Variants in NELL2 observed in about 807,000 individuals in gnomAD.
NELL2 encodes protein kinase C-binding protein NELL2.
A neutral mutation model predicts 109.6 loss-of-function variants in NELL2; 41 were observed. The observed-to-expected ratio is 0.37, with a 90% CI of 0.29 to 0.49. The LOEUF (loss-of-function observed/expected upper bound fraction) is 0.49, where lower values mean the gene tolerates loss of function less well. NELL2 is among the 20% of genes least tolerant of loss of function. NELL2 has a pLI of 0.98. For synonymous variants in NELL2, 355 were observed against 344.7 expected, an observed-to-expected ratio of 1.03 and a Z score of -0.33; for missense variants, 900 against 1,008.3, an observed-to-expected ratio of 0.89 and a Z score of 1.45.
In NELL2 at chr12:44,811,485, G is replaced by A. The variant is rs191642915; in HGVS notation, c.335+4501C>T. Among the ~76,000 whole-genome samples, 5 of 152,066 alleles carry A rather than the reference G, an allele frequency of 3.3e-5. No individual in the cohort carries two copies. In the East Asian group the frequency reaches 5.8e-4, roughly 18 times the overall value. On this transcript the variant is annotated intron_variant, in intron 3 of 19. Transcript: ENST00000429094. ...GTGAAAGCTTCCTGGAGATATAAGCGCAGTTCTGAAGTACGTGCCGGATTT... is the reference window on the plus strand; with the variant it reads ...GTGAAAGCTTCCTGGAGATATAAGCACAGTTCTGAAGTACGTGCCGGATTT...
chr12:44,760,794 G>T (rs1941090295), intron 9 of NELL2, among the ~76,000 whole-genome samples: 1 of 152,070 alleles, frequency 6.6e-6, no homozygotes. Context: ...GACATTCAGA[G>T]GCTGGATAGT....
intron 2 of NELL2, among the ~76,000 whole-genome samples, chr12:44,836,451 T>TCCTCAGTAAAAAGCA (rs1351067454): frequency 6.6e-6 from 1 of 152,114 alleles, no homozygotes; most frequent in Non-Finnish European, 1.5e-5. Context: ...CAAGAATGTT[T>TCCTCAGTAAAAAGCA]CCTCAGTAAA....
intron 3 of NELL2, among the ~76,000 whole-genome samples, chr12:44,795,542 T>A (rs1011305908): frequency 4.6e-5 from 7 of 152,170 alleles, no homozygotes; most frequent in Non-Finnish European, 1.0e-4. Flanking sequence ...TAATCCCAAT[T>A]TGGCATCATT....
At chr12:44,797,337 G>A (rs2136643976) in intron 3 of NELL2, among the ~76,000 whole-genome samples, 1 of 152,168 alleles carries the variant, frequency 6.6e-6, no homozygotes, top group Admixed American at 6.6e-5. Flanking sequence ...AAAGCATACT[G>A]TTGTAAGGTT....
chr12:44,562,980 G>A (rs1170443978), intron 15 of NELL2, among the ~76,000 whole-genome samples: 6 of 151,756 alleles, frequency 4.0e-5, no homozygotes, highest in African/African-American at 1.2e-4. Context: ...TGAATACTAC[G>A]CAGCCATAAA....
chr12:44,876,050 C>G lies in NELL2; in HGVS notation c.-181G>C. 1 of 1,466,464 alleles carries G rather than the reference C, an allele frequency of 6.8e-7. No homozygotes were observed. Among genetic ancestry groups the G allele is most frequent in the Non-Finnish European group, 9.0e-7 (1 of 1,115,464 alleles). 90.8% of individuals were successfully genotyped at this position (1,466,464 alleles called of 1,614,324 possible). A position where few individuals can be genotyped will look rare whatever the true frequency, so the allele number is the denominator to read the frequency against. On this transcript the variant is annotated 5_prime_UTR_variant, in exon 1 of 20. Transcript: ENST00000429094. ...AAGAAAAGGGAGGCCTCCCCAGGCG[C>G]GTGAAGAACTTAGACCCTCCAATGC...
At chr12:44,798,937 T>A (rs1482963498) in intron 3 of NELL2, among the ~76,000 whole-genome samples, 1 of 141,650 alleles carries the variant, frequency 7.1e-6, no homozygotes, top group Non-Finnish European at 1.5e-5. Flanking sequence ...ACTTTGCAAA[T>A]GATTTCCACT....
At chr12:44,857,401 G>A (rs1250090582) in intron 2 of NELL2, among the ~76,000 whole-genome samples, 2 of 152,058 alleles carry the variant, frequency 1.3e-5, no homozygotes, top group African/African-American at 4.8e-5. Flanking sequence ...CAATACCAAA[G>A]AAGTAACAGG....
At chr12:44,571,336 C>T (rs1943866349) in intron 15 of NELL2, among the ~76,000 whole-genome samples, 1 of 152,184 alleles carries the variant, frequency 6.6e-6, no homozygotes, top group Admixed American at 6.5e-5. Flanking sequence ...CCAGAGCACA[C>T]AATTCAGGCA....
At chr12:44,549,497 T>C (rs1029399388) in intron 15 of NELL2, among the ~76,000 whole-genome samples, 4 of 152,190 alleles carry the variant, frequency 2.6e-5, no homozygotes, top group African/African-American at 9.6e-5. Flanking sequence ...TTTGTCATAA[T>C]ACATTTTGGC....
At chr12:44,826,826 A>T (rs1373564459) in intron 2 of NELL2, among the ~76,000 whole-genome samples, 1 of 152,338 alleles carries the variant, frequency 6.6e-6, no homozygotes, top group Non-Finnish European at 1.5e-5. Context: ...ATTTTACACA[A>T]CAGTGTCCTA....
At chr12:44,868,223 T>G (rs1001244089) in intron 2 of NELL2, among the ~76,000 whole-genome samples, 2 of 151,872 alleles carry the variant, frequency 1.3e-5, no homozygotes, top group Non-Finnish European at 2.9e-5. Context: ...ACATATAAAT[T>G]TAATCAAGAA....
chr12:44,523,536 A>G (rs1310820840), intron 16 of NELL2, 52 bp from the exon 17 acceptor site: 1 of 1,510,504 alleles, frequency 6.6e-7, no homozygotes, highest in Non-Finnish European at 9.1e-7. Context: ...GTGCAGTTTC[A>G]AACAACTGCA....
chr12:44,589,644 G>A lies in NELL2; in HGVS notation c.1663+17525C>T, dbSNP rs147637991. 9.5e-4 allele frequency among the ~76,000 whole-genome samples: 144 copies of A among 152,316 alleles called. 1 individual carries two copies. The highest frequency in any genetic ancestry group is 3.4e-3 in the African/African-American group (141 of 41,582). ...TCCGCCCACCTTGGCCTCCCAAAGTGCTGGGATTACAGGCATGAGAAGAGA... is the reference window on the plus strand; with the variant it reads ...TCCGCCCACCTTGGCCTCCCAAAGTACTGGGATTACAGGCATGAGAAGAGA... On this transcript the variant is annotated intron_variant, in intron 15 of 19. Coordinates refer to ENST00000429094, the MANE Select transcript of NELL2 (RefSeq NM_001145108.2).
At chr12:44,541,262 A>AAG (rs1285218504) in intron 15 of NELL2, among the ~76,000 whole-genome samples, 1 of 150,436 alleles carries the variant, frequency 6.6e-6, no homozygotes, top group Non-Finnish European at 1.5e-5. Flanking sequence ...AAAAAAAAAA[A>AAG]AAAAGAAAAA....
At chr12:44,702,268 T>C (rs1949252953) in intron 12 of NELL2, among the ~76,000 whole-genome samples, 1 of 152,154 alleles carries the variant, frequency 6.6e-6, no homozygotes, top group South Asian at 2.1e-4. Context: ...AATTCTGTCT[T>C]AGCTCCCAGA....
intron 9 of NELL2, chr12:44,774,544 A>C: frequency 3.6e-6 from 2 of 549,164 alleles, no homozygotes; most frequent in Admixed American, 6.4e-5. Flanking sequence ...ACTCCAAGAA[A>C]AAATTGTCCT....
chr12:44,561,196 A>G (rs1047969014), intron 15 of NELL2, among the ~76,000 whole-genome samples: 3 of 152,182 alleles, frequency 2.0e-5, no homozygotes, highest in African/African-American at 7.2e-5. Flanking sequence ...AATAAGAGCT[A>G]TTTATGACAA....
chr12:44,578,892 A>G (rs1944214954), intron 15 of NELL2, among the ~76,000 whole-genome samples: 1 of 152,178 alleles, frequency 6.6e-6, no homozygotes, highest in Admixed American at 6.5e-5. Flanking sequence ...AAGCCTTCAA[A>G]AGCCTACTTT....
Sources: gnomAD v4.1 joint callset for allele counts (sites outside exome capture counted in the v4.1 genomes callset) on GRCh38, gnomAD v4.1.1 for gene constraint, MANE v1.5 for transcripts, NCBI Gene and HGNC (gene_info 2026-07-23, HGNC 2026-07-21) for gene names.